ELOVL7: variants seen among roughly 807,000 people sequenced by gnomAD.
ELOVL7 encodes the protein very long chain fatty acid elongase 7.
Under a neutral mutation model 35.7 loss-of-function variants are expected in ELOVL7, and 27 were observed. The ratio of observed to expected loss-of-function variants is 0.76; its 90% CI spans 0.56 to 1.04. The LOEUF (loss-of-function observed/expected upper bound fraction) is 1.04, where lower values mean the gene tolerates loss of function less well. Among genes scored for constraint, ELOVL7 ranks in the 50% least tolerant of loss-of-function variants. The pLI is 0.00. For missense variants in ELOVL7, 327 were observed against 340.8 expected, an observed-to-expected ratio of 0.96 and a Z score of 0.32; for synonymous variants, 113 against 114.6, an observed-to-expected ratio of 0.99 and a Z score of 0.09.
At chr5:60,827,582 G>A (rs1746243006) in intron 1 of ELOVL7, among the ~76,000 whole-genome samples, 1 of 152,056 alleles carries the variant, frequency 6.6e-6, no homozygotes. Flanking sequence ...TGGTTATTCT[G>A]GCTGGCTTTA....
At chr5:60,816,100 C>T (rs1387468012) in intron 1 of ELOVL7, among the ~76,000 whole-genome samples, 1 of 152,150 alleles carries the variant, frequency 6.6e-6, no homozygotes, top group Admixed American at 6.5e-5. Flanking sequence ...TTGGGAAGGG[C>T]CAGGTGTGGT....
At chr5:60,841,237 G>A (rs1747152035) in intron 1 of ELOVL7, among the ~76,000 whole-genome samples, 1 of 151,902 alleles carries the variant, frequency 6.6e-6, no homozygotes, top group African/African-American at 2.4e-5. Flanking sequence ...TTTTGGCCAG[G>A]CTGGTCTCAA....
rs1741375990 is a variant in ELOVL7, at chr5:60,753,667, C to T, written c.*957G>A. On this transcript the variant is annotated 3_prime_UTR_variant, in exon 9 of 9. Transcript: ENST00000508821. The stretch of plus-strand genomic sequence containing the variant: ...ATTATTTATGATTTAAGGGTAGTAC[C>T]TGTAGTGTGCTAATAATATGAACAT... The T allele has an allele frequency of 6.6e-6, 1 of 152,058 alleles. No individual in the cohort carries two copies. Among genetic ancestry groups the T allele is most frequent in the African/African-American group, 2.4e-5 (1 of 41,396 alleles). 9.4% of individuals were successfully genotyped at this position (152,058 alleles called of 1,614,324 possible). A position where few individuals can be genotyped will look rare whatever the true frequency, so the allele number is the denominator to read the frequency against.
At chr5:60,782,959 G>A (rs572071104) in intron 3 of ELOVL7, among the ~76,000 whole-genome samples, 1 of 152,282 alleles carries the variant, frequency 6.6e-6, no homozygotes, top group African/African-American at 2.4e-5. Context: ...AAAAAGATAA[G>A]TATTTGGTGA....
chr5:60,798,360 G>C (rs1744391113), intron 2 of ELOVL7, among the ~76,000 whole-genome samples: 1 of 152,134 alleles, frequency 6.6e-6, no homozygotes, highest in South Asian at 2.1e-4. Flanking sequence ...TGGGACCCTG[G>C]ATATCTCAAA....
At chr5:60,828,555 T>C (rs926282805) in intron 1 of ELOVL7, among the ~76,000 whole-genome samples, 3 of 152,194 alleles carry the variant, frequency 2.0e-5, no homozygotes, top group Non-Finnish European at 4.4e-5. Context: ...CTGCTGACTT[T>C]TATGTATCCA....
chr5:60,799,945 G>A (rs1479830568), intron 1 of ELOVL7, among the ~76,000 whole-genome samples: 1 of 149,644 alleles, frequency 6.7e-6, no homozygotes, highest in Non-Finnish European at 1.5e-5. Flanking sequence ...GCTGAGGCAG[G>A]AGAATCACTT....
chr5:60,752,397 C>T lies in ELOVL7; in HGVS notation c.*2227G>A, dbSNP rs989396490. 1.3e-5 allele frequency: 2 copies of T among 152,536 alleles called. No homozygotes were observed. Among genetic ancestry groups the T allele is most frequent in the South Asian group, 2.1e-4 (1 of 4,824 alleles). 9.4% of individuals were successfully genotyped at this position (152,536 alleles called of 1,614,324 possible). The stretch of plus-strand genomic sequence containing the variant: ...TTAGGAGAGGTTGTATGATGAAGGT[C>T]GGAAAGTATGCAAGAAATAAACTCT... On this transcript the variant is annotated 3_prime_UTR_variant, in exon 9 of 9. Coordinates refer to ENST00000508821, the MANE Select transcript of ELOVL7 (RefSeq NM_024930.3).
chr5:60,777,110 G>T (rs1233562349), intron 3 of ELOVL7, among the ~76,000 whole-genome samples: 2 of 151,536 alleles, frequency 1.3e-5, no homozygotes, highest in African/African-American at 4.9e-5. Flanking sequence ...GTACTAGGGG[G>T]GTTGGGGGGG....
chr5:60,771,906 A>G lies in ELOVL7; in HGVS notation c.252T>C (p.Tyr84=). ...FIVLFSVYMC[Y]EFVMSGWGIG... ...TAGGAATACTGAAGACACTTGCCTC[A>G]TAACACATATACACAGAAAAGAGTA... The change falls in exon 4 of 9, where the codon TAT becomes TAC. Residue 84 remains tyrosine (Y), a synonymous_variant. Transcript: ENST00000508821. 6.3e-7 allele frequency: 1 copy of G among 1,596,802 alleles called. No individual in the cohort carries two copies. Among genetic ancestry groups the G allele is most frequent in the East Asian group, 2.2e-5 (1 of 44,696 alleles).
intron 3 of ELOVL7, among the ~76,000 whole-genome samples, chr5:60,777,325 A>G (rs1742967557): frequency 1.3e-5 from 2 of 152,128 alleles, no homozygotes; most frequent in Non-Finnish European, 2.9e-5. Flanking sequence ...GCATGCCTGT[A>G]TCAAAACATC....
intron 1 of ELOVL7, among the ~76,000 whole-genome samples, chr5:60,824,696 G>C (rs1746071301): frequency 6.6e-6 from 1 of 152,186 alleles, no homozygotes; most frequent in Non-Finnish European, 1.5e-5. Flanking sequence ...GGTGGCCCAA[G>C]CCACTGTCCT....
intron 1 of ELOVL7, chr5:60,843,677 GA>G: frequency 6.6e-6 from 1 of 152,518 alleles, no homozygotes; most frequent in Non-Finnish European, 1.5e-5. Flanking sequence ...CCGGAGCTGG[GA>G]AAATGACCTC....
At chr5:60,821,893 C>T (rs1188937752) in intron 1 of ELOVL7, among the ~76,000 whole-genome samples, 1 of 152,200 alleles carries the variant, frequency 6.6e-6, no homozygotes, top group South Asian at 2.1e-4. Flanking sequence ...CCTGCATATT[C>T]ACTATGTGCA....
At chr5:60,841,129 G>A (rs879271291) in intron 1 of ELOVL7, among the ~76,000 whole-genome samples, 17 of 149,922 alleles carry the variant, frequency 1.1e-4, no homozygotes, top group Non-Finnish European at 1.9e-4. Flanking sequence ...GGGTTCAAGC[G>A]ATTCTCCTGC....
At chr5:60,770,723 T>A (rs915219067) in intron 4 of ELOVL7, among the ~76,000 whole-genome samples, 2 of 152,192 alleles carry the variant, frequency 1.3e-5, no homozygotes, top group African/African-American at 4.8e-5. Flanking sequence ...TTTTTATTTT[T>A]ATTTTTTGAG....
At chr5:60,820,597 A>G (rs1321023239) in intron 1 of ELOVL7, among the ~76,000 whole-genome samples, 1 of 152,178 alleles carries the variant, frequency 6.6e-6, no homozygotes, top group African/African-American at 2.4e-5. Flanking sequence ...ACAAAGCACT[A>G]CAGGAACACA....
chr5:60,835,402 TTC>T (rs1219629362), intron 1 of ELOVL7, among the ~76,000 whole-genome samples: 4 of 151,840 alleles, frequency 2.6e-5, no homozygotes, highest in Admixed American at 2.6e-4. Flanking sequence ...TTTTTACAAT[TTC>T]TGTTTTTATT....
chr5:60,766,685 A>G, intron 5 of ELOVL7, 55 bp from the exon 6 acceptor site: 1 of 1,523,890 alleles, frequency 6.6e-7, no homozygotes, highest in South Asian at 1.2e-5. Context: ...AAAAGCTTAT[A>G]TTTTTAAATT....
Sources: gnomAD v4.1 joint callset for allele counts (sites outside exome capture counted in the v4.1 genomes callset) on GRCh38, gnomAD v4.1.1 for gene constraint, MANE v1.5 for transcripts, NCBI Gene and HGNC (gene_info 2026-07-23, HGNC 2026-07-21) for gene names.